Variants in NRG3 observed in about 807,000 individuals in gnomAD.
NRG3 encodes the protein neuregulin 3.
Under a neutral mutation model 66.9 loss-of-function variants are expected in NRG3, and 31 were observed. The observed-to-expected ratio is 0.46, with a 90% CI of 0.35 to 0.63. NRG3 has a LOEUF of 0.63. NRG3 is among the 20% of genes least tolerant of loss of function. The pLI, the probability that NRG3 is intolerant of heterozygous loss-of-function variation, is 0.00. For missense variants in NRG3, 910 were observed against 878.9 expected, an observed-to-expected ratio of 1.04 and a Z score of -0.45; for synonymous variants, 393 against 359.4, an observed-to-expected ratio of 1.09 and a Z score of -1.06.
chr10:82,751,651 A>C (rs513829), intron 3 of NRG3, among the ~76,000 whole-genome samples: 1 of 152,062 alleles, frequency 6.6e-6, no homozygotes, highest in South Asian at 2.1e-4. Context: ...AACTCTTACA[A>C]GATAAAGTAG....
intron 1 of NRG3, among the ~76,000 whole-genome samples, chr10:82,301,798 C>A (rs891661995): frequency 1.3e-5 from 2 of 150,936 alleles, no homozygotes; most frequent in African/African-American, 4.9e-5. Context: ...CCTGATATTG[C>A]TAATTATGTT....
intron 1 of NRG3, among the ~76,000 whole-genome samples, chr10:81,933,032 C>T (rs542585481): frequency 2.7e-5 from 4 of 148,738 alleles, no homozygotes; most frequent in South Asian, 2.1e-4. Flanking sequence ...TGCTTGAACC[C>T]GGGAGGCAGA....
intron 1 of NRG3, among the ~76,000 whole-genome samples, chr10:82,079,727 A>C (rs2065287061): frequency 6.6e-6 from 1 of 152,104 alleles, no homozygotes; most frequent in Non-Finnish European, 1.5e-5. Context: ...CAGTACCTAG[A>C]GTTTTAAAAT....
chr10:82,924,420 G>A (rs1056523056), intron 4 of NRG3, among the ~76,000 whole-genome samples: 17 of 152,156 alleles, frequency 1.1e-4, no homozygotes, highest in Admixed American at 2.6e-4. Flanking sequence ...CAGTTTGTGC[G>A]GTGGTAATGA....
chr10:82,405,590 C>T (rs1026075465), intron 2 of NRG3, among the ~76,000 whole-genome samples: 21 of 151,688 alleles, frequency 1.4e-4, no homozygotes, highest in Admixed American at 9.9e-4. Context: ...CTGATGCACA[C>T]CTGAGTAGCA....
intron 4 of NRG3, among the ~76,000 whole-genome samples, chr10:82,911,635 CTTAG>C (rs1351768766): frequency 2.0e-5 from 3 of 151,232 alleles, no homozygotes; most frequent in Non-Finnish European, 3.0e-5. Flanking sequence ...TCATTTTTTT[CTTAG>C]TTAAACTGGC....
At chr10:82,163,612 G>T (rs566053901) in intron 1 of NRG3, among the ~76,000 whole-genome samples, 2 of 152,262 alleles carry the variant, frequency 1.3e-5, no homozygotes, top group South Asian at 4.1e-4. Context: ...GATAGGTGAA[G>T]GCTGGCAAGA....
chr10:82,679,359 A>G (rs1017333077), intron 2 of NRG3, among the ~76,000 whole-genome samples: 2 of 152,216 alleles, frequency 1.3e-5, no homozygotes, highest in Admixed American at 6.5e-5. Context: ...AAAAACAAGT[A>G]TTTTTCTTAC....
intron 2 of NRG3, among the ~76,000 whole-genome samples, chr10:82,602,184 C>T (rs982768489): frequency 1.4e-4 from 21 of 152,002 alleles, no homozygotes; most frequent in African/African-American, 4.6e-4. Flanking sequence ...GTCTAGTCCA[C>T]AGTCGACTAT....
In NRG3 at chr10:82,561,569, C is replaced by T. The variant is rs113545865; in HGVS notation, c.954-177008C>T. Among the ~76,000 whole-genome samples the T allele has an allele frequency of 4.0e-3, 608 of 152,252 alleles. 6 individuals carry two copies. Among genetic ancestry groups the T allele is most frequent in the African/African-American group, 0.014 (590 of 41,560 alleles). ...TTGGGAGGCTGAAGTGGGAGAATCG[C>T]TTGAGCCTGTGAGGCAGAGGTTGCA... On this transcript the variant is annotated intron_variant, in intron 2 of 8. Transcript: ENST00000372141.
At chr10:82,550,744 G>A (rs754520460) in intron 2 of NRG3, among the ~76,000 whole-genome samples, 2 of 152,156 alleles carry the variant, frequency 1.3e-5, no homozygotes, top group Non-Finnish European at 2.9e-5. Flanking sequence ...AAATAATGAA[G>A]TGTTTCCTCC....
At chr10:81,981,190 T>C (rs2060320632) in intron 1 of NRG3, among the ~76,000 whole-genome samples, 1 of 152,168 alleles carries the variant, frequency 6.6e-6, no homozygotes, top group African/African-American at 2.4e-5. Context: ...AAATCAAGTA[T>C]GATGAGAGAC....
At chr10:82,626,640 A>G (rs575345113) in intron 2 of NRG3, among the ~76,000 whole-genome samples, 126 of 152,298 alleles carry the variant, frequency 8.3e-4, no homozygotes, top group Non-Finnish European at 1.3e-3. Context: ...GGGATATTAC[A>G]ACTAATTTTT....
intron 1 of NRG3, among the ~76,000 whole-genome samples, chr10:82,278,971 T>G (rs1201868913): frequency 1.3e-5 from 2 of 152,144 alleles, no homozygotes; most frequent in East Asian, 1.9e-4. Flanking sequence ...CCTATGTGCT[T>G]CTTTTACGAT....
chr10:82,947,683 G>C (rs1310140845), intron 4 of NRG3, among the ~76,000 whole-genome samples: 1 of 152,056 alleles, frequency 6.6e-6, no homozygotes, highest in African/African-American at 2.4e-5. Context: ...AATGAACAAT[G>C]TTGGGTATCT....
At chr10:82,261,933 T>C (rs556080816) in intron 1 of NRG3, among the ~76,000 whole-genome samples, 13 of 152,248 alleles carry the variant, frequency 8.5e-5, no homozygotes, top group African/African-American at 2.6e-4. Context: ...TGGGGCCAGA[T>C]TGGGGGCCTG....
chr10:81,950,111 C>T (rs1252163774), intron 1 of NRG3, among the ~76,000 whole-genome samples: 6 of 152,158 alleles, frequency 3.9e-5, no homozygotes, highest in Non-Finnish European at 5.9e-5. Flanking sequence ...TTCTGGGAGC[C>T]ATACAGATGA....
intron 1 of NRG3, among the ~76,000 whole-genome samples, chr10:81,991,267 T>C (rs766081767): frequency 6.6e-6 from 1 of 152,182 alleles, no homozygotes. Flanking sequence ...ATATCTCTGA[T>C]CCTTTTTTGT....
In NRG3 at chr10:82,839,413, T is replaced by G. The variant is rs373306633; in HGVS notation, c.1028-25998T>G. 1.4e-4 allele frequency among the ~76,000 whole-genome samples: 22 copies of G among 152,188 alleles called. No individual in the cohort carries two copies. In the East Asian group the frequency reaches 2.7e-3, roughly 19 times the overall value. ...AAGATAAATGCAGAGTAAAGGTTTC[T>G]AATAGCATTTTTTATTTATAATCTC... is the stretch of plus-strand genomic sequence containing the variant. On this transcript the variant is annotated intron_variant, in intron 3 of 8. Coordinates refer to ENST00000372141, the MANE Select transcript of NRG3 (RefSeq NM_001010848.4).
Sources: allele counts gnomAD v4.1 joint callset (sites outside exome capture counted in the v4.1 genomes callset), GRCh38; gene constraint gnomAD v4.1.1; transcripts MANE v1.5; gene names NCBI Gene and HGNC (gene_info 2026-07-23, HGNC 2026-07-21).